TK2: variants seen among roughly 807,000 people sequenced by gnomAD.
The protein encoded by TK2 is thymidine kinase 2.
A neutral mutation model predicts 41.9 loss-of-function variants in TK2; 35 were observed. The ratio of observed to expected loss-of-function variants is 0.84; its 90% CI spans 0.64 to 1.11. TK2 has a LOEUF of 1.11. TK2 is among the 50% of genes least tolerant of loss of function. The pLI is 0.00. For synonymous variants in TK2, 128 were observed against 129.1 expected (o/e 0.99, Z 0.06); for missense variants, 320 against 351.1 (o/e 0.91, Z 0.71).
intron 6 of TK2, among the ~76,000 whole-genome samples, chr16:66,519,008 C>G (rs1964699169): frequency 1.3e-5 from 2 of 151,768 alleles, no homozygotes; most frequent in South Asian, 4.2e-4. Context: ...GTCGCCCAGG[C>G]TGGAGTGCAG....
rs981207129 is a variant in TK2, at chr16:66,536,869, A to C, written c.285+95T>G. The C allele has an allele frequency of 2.8e-6, 4 of 1,435,300 alleles. No homozygotes were observed. The African/African-American group carries it at 4.2e-5, about 15-fold the overall frequency. The allele number at this position is 1,435,300 out of a possible 1,614,324, so 88.9% of individuals were successfully genotyped here. On this transcript the variant is annotated intron_variant, in intron 4 of 9. Coordinates refer to ENST00000544898, the MANE Select transcript of TK2 (RefSeq NM_004614.5). ...TTCTCCAACTCAGTTAAGAGCGCAGAGAATGCCTGGGCAGGCAGGGCTCAG... is the reference window on the plus strand; with the variant it reads ...TTCTCCAACTCAGTTAAGAGCGCAGCGAATGCCTGGGCAGGCAGGGCTCAG...
chr16:66,530,557 CA>C (rs1285633473), intron 5 of TK2, among the ~76,000 whole-genome samples: 1 of 152,134 alleles, frequency 6.6e-6, no homozygotes. Context: ...AACTAAGAGC[CA>C]GACCCCATGA....
upstream of TK2, chr16:66,550,210 T>C (rs201436165): frequency 1.9e-5 from 30 of 1,611,156 alleles, no homozygotes; most frequent in Non-Finnish European, 2.5e-5. Context: ...AGAGGAGAAA[T>C]ACTCGAAGGG....
intron 9 of TK2, among the ~76,000 whole-genome samples, chr16:66,512,806 C>T (rs1223903464): frequency 1.3e-5 from 2 of 152,130 alleles, no homozygotes; most frequent in African/African-American, 2.4e-5. Context: ...CAAAAAATTA[C>T]TACAGTAATA....
Position 66,539,351 on chromosome 16 carries a change from C to A in TK2, c.232-2334G>T, listed in dbSNP as rs180927145. On this transcript the variant is annotated intron_variant, in intron 3 of 9. Coordinates refer to ENST00000544898, the MANE Select transcript of TK2 (RefSeq NM_004614.5). The stretch of plus-strand genomic sequence containing the variant: ...CGGTGGCTCACGCCTGTAATCCCAG[C>A]ACTTTGGGAGGCTGAGGTGGGTGGA... Among the ~76,000 whole-genome samples, 78 of 152,238 alleles carry A rather than the reference C, an allele frequency of 5.1e-4. 1 individual carries two copies. In the South Asian group the frequency reaches 0.014, roughly 28 times the overall value.
At chr16:66,548,017 G>C (rs1345378746) in intron 2 of TK2, 2 of 1,257,090 alleles carry the variant, frequency 1.6e-6, no homozygotes, top group Non-Finnish European at 2.1e-6. Context: ...AGGATCACTT[G>C]AGCCCAGGAG....
intron 2 of TK2, among the ~76,000 whole-genome samples, chr16:66,547,458 C>G (rs983543580): frequency 6.6e-6 from 1 of 152,182 alleles, no homozygotes; most frequent in Non-Finnish European, 1.5e-5. Context: ...CCAGCCACCT[C>G]TCTAGGGACT....
At chr16:66,522,381 A>G (rs919911009) in intron 6 of TK2, among the ~76,000 whole-genome samples, 1 of 152,222 alleles carries the variant, frequency 6.6e-6, no homozygotes, top group Non-Finnish European at 1.5e-5. Context: ...GTGAGTCAGC[A>G]TGCCACTTCC....
upstream of TK2, chr16:66,550,127 G>C: frequency 6.2e-7 from 1 of 1,612,024 alleles, no homozygotes; most frequent in African/African-American, 1.3e-5. Context: ...ACGACTGCTA[G>C]TCCAGCCGTT....
At chr16:66,526,664 A>T (rs1964941649) in intron 6 of TK2, among the ~76,000 whole-genome samples, 1 of 152,134 alleles carries the variant, frequency 6.6e-6, no homozygotes, top group African/African-American at 2.4e-5. Flanking sequence ...AGGTAGGAGG[A>T]TCTCTTGAGC....
intron 6 of TK2, chr16:66,518,199 G>A (rs1964674262): frequency 2.7e-6 from 1 of 371,550 alleles, no homozygotes; most frequent in East Asian, 6.3e-5. Flanking sequence ...GCTCAGGTTA[G>A]GCAATGAATC....
intron 6 of TK2, among the ~76,000 whole-genome samples, chr16:66,520,023 T>C (rs911361122): frequency 1.3e-5 from 2 of 152,150 alleles, no homozygotes; most frequent in East Asian, 1.9e-4. Flanking sequence ...ACCACCCCCA[T>C]GTCCTCAGAA....
chr16:66,526,340 C>A (rs1174282148), intron 6 of TK2, among the ~76,000 whole-genome samples: 1 of 152,232 alleles, frequency 6.6e-6, no homozygotes, highest in African/African-American at 2.4e-5. Context: ...GTCTTGCTCA[C>A]AAACAGAGCA....
intron 4 of TK2, among the ~76,000 whole-genome samples, chr16:66,532,378 C>A (rs1965142440): frequency 6.6e-6 from 1 of 152,168 alleles, no homozygotes; most frequent in African/African-American, 2.4e-5. Context: ...TTGAGGCAGG[C>A]AGATCACTCA....
intron 6 of TK2, among the ~76,000 whole-genome samples, chr16:66,525,880 CATAAAT>C (rs556618915): frequency 2.6e-5 from 4 of 152,176 alleles, no homozygotes; most frequent in Non-Finnish European, 5.9e-5. Context: ...CAGGGAGAGA[CATAAAT>C]ATAAAGTCAT....
At chr16:66,529,236 A>G (rs528106766) in intron 5 of TK2, among the ~76,000 whole-genome samples, 169 bp from the exon 6 acceptor site, 1 of 152,268 alleles carries the variant, frequency 6.6e-6, no homozygotes, top group South Asian at 2.1e-4. Context: ...CCGGGAGGAG[A>G]AGCCACATCT....
At chr16:66,533,075 CT>C (rs56331052) in intron 4 of TK2, among the ~76,000 whole-genome samples, 3 of 141,968 alleles carry the variant, frequency 2.1e-5, no homozygotes, top group Admixed American at 7.1e-5. Flanking sequence ...TGATAAAAAT[CT>C]TTTTTTTTTT....
chr16:66,548,919 C>G, intron 2 of TK2, 59 bp downstream of exon 2: 8 of 1,498,064 alleles, frequency 5.3e-6, no homozygotes, highest in South Asian at 3.5e-5. Flanking sequence ...CTGCTTTTTT[C>G]TCTCTCCTCT....
Position 66,549,970 on chromosome 16 carries a change from G to A in TK2, c.92C>T (p.Pro31Leu). ...CCAGGCCCGGCGCTGCACCCTCCGC[G>A]GCCCGGGGCCTGAGGCCGGGCTCCC... The part of the protein sequence containing the change: ...SRGSPASGPG[P>L]RRVQRRAWPP... The change falls in exon 1 of 10, where the codon CCG (proline) becomes CTG (leucine). Residue 31 changes from proline to leucine, a missense_variant. Coordinates refer to ENST00000544898, the MANE Select transcript of TK2 (RefSeq NM_004614.5). 1.4e-6 allele frequency: 2 copies of A among 1,465,334 alleles called. No individual in the cohort carries two copies. Among genetic ancestry groups the A allele is most frequent in the Non-Finnish European group, 1.8e-6 (2 of 1,119,190 alleles). 90.8% of individuals were successfully genotyped at this position (1,465,334 alleles called of 1,614,324 possible). A position where few individuals can be genotyped will look rare whatever the true frequency, so the allele number is the denominator to read the frequency against.
Sources: gnomAD v4.1 joint callset for allele counts (sites outside exome capture counted in the v4.1 genomes callset) on GRCh38, gnomAD v4.1.1 for gene constraint, MANE v1.5 for transcripts, NCBI Gene and HGNC (gene_info 2026-07-23, HGNC 2026-07-21) for gene names.